Variants in SPOCK3 observed in about 807,000 individuals in gnomAD.
The protein encoded by SPOCK3 is testican-3.
Under a neutral mutation model 56.6 loss-of-function variants are expected in SPOCK3, and 30 were observed. The observed-to-expected ratio is 0.53, with a 90% CI of 0.40 to 0.72. SPOCK3 has a LOEUF of 0.72. SPOCK3 is among the 30% of genes least tolerant of loss of function. The pLI, the probability that SPOCK3 is intolerant of heterozygous loss-of-function variation, is 0.00. For synonymous variants in SPOCK3, 196 were observed against 183.3 expected, an observed-to-expected ratio of 1.07 and a Z score of -0.56; for missense variants, 527 against 530.0, an observed-to-expected ratio of 0.99 and a Z score of 0.06.
chr4:166,789,410 C>G (rs1255947034), intron 7 of SPOCK3, among the ~76,000 whole-genome samples: 1 of 151,950 alleles, frequency 6.6e-6, no homozygotes, highest in Non-Finnish European at 1.5e-5. Context: ...GCCTGGGCAA[C>G]AAGAGCGAAA....
chr4:167,103,367 C>A (rs1024293538), intron 2 of SPOCK3, among the ~76,000 whole-genome samples: 8 of 152,016 alleles, frequency 5.3e-5, no homozygotes, highest in African/African-American at 1.9e-4. Flanking sequence ...AGAGGGTGGC[C>A]CACTACCCTG....
chr4:166,833,304 G>T (rs1428654347), intron 6 of SPOCK3, among the ~76,000 whole-genome samples: 1 of 152,150 alleles, frequency 6.6e-6, no homozygotes, highest in Non-Finnish European at 1.5e-5. Flanking sequence ...CACTTAAAAA[G>T]AGTGTGTATT....
chr4:166,851,191 C>A (rs1174479926), intron 6 of SPOCK3, among the ~76,000 whole-genome samples: 3 of 152,128 alleles, frequency 2.0e-5, no homozygotes, highest in Non-Finnish European at 4.4e-5. Flanking sequence ...CTGGGAGGCA[C>A]TCCCTAGCAG....
chr4:167,119,431 C>T (rs774207965), intron 2 of SPOCK3, among the ~76,000 whole-genome samples: 11 of 152,072 alleles, frequency 7.2e-5, no homozygotes, highest in Non-Finnish European at 1.6e-4. Context: ...ATAAAGAAAT[C>T]TTTTGATGAT....
At chr4:166,965,380 T>A (rs2150064212) in intron 4 of SPOCK3, among the ~76,000 whole-genome samples, 1 of 149,930 alleles carries the variant, frequency 6.7e-6, no homozygotes, top group East Asian at 1.9e-4. Flanking sequence ...TGGCAAAGAA[T>A]TTTCTATTAT....
chr4:167,068,056 A>C (rs1756334268), intron 2 of SPOCK3, among the ~76,000 whole-genome samples: 1 of 150,162 alleles, frequency 6.7e-6, no homozygotes, highest in South Asian at 2.1e-4. Flanking sequence ...ATTTCAATTA[A>C]ATTAGGATGA....
intron 4 of SPOCK3, among the ~76,000 whole-genome samples, chr4:166,961,357 A>G (rs2150056986): frequency 6.6e-6 from 1 of 152,220 alleles, no homozygotes; most frequent in Non-Finnish European, 1.5e-5. Context: ...GATATGCAGA[A>G]TTGAGCACTC....
At chr4:166,977,499 C>T (rs567386158) in intron 4 of SPOCK3, among the ~76,000 whole-genome samples, 2 of 152,150 alleles carry the variant, frequency 1.3e-5, no homozygotes, top group East Asian at 3.9e-4. Context: ...AATATTGTAT[C>T]TTTTCCTTGC....
intron 6 of SPOCK3, among the ~76,000 whole-genome samples, chr4:166,800,183 G>GA (rs367811359): frequency 0.049 from 2,518 of 51,650 alleles, 146 homozygotes; most frequent in East Asian, 0.2. Context: ...CTCCATCTCA[G>GA]AAAAAAAAAA....
chr4:166,740,568 C>T (rs1392551452), intron 9 of SPOCK3, among the ~76,000 whole-genome samples: 1 of 151,088 alleles, frequency 6.6e-6, no homozygotes, highest in Non-Finnish European at 1.5e-5. Flanking sequence ...CTCTGTTACC[C>T]AGGCTGGTGT....
chr4:167,034,662 C>T (rs1189242713), intron 3 of SPOCK3, among the ~76,000 whole-genome samples: 1 of 152,080 alleles, frequency 6.6e-6, no homozygotes, highest in Non-Finnish European at 1.5e-5. Flanking sequence ...ATATGGCCTC[C>T]AAGATCTATA....
intron 2 of SPOCK3, among the ~76,000 whole-genome samples, chr4:167,090,613 C>A (rs1401644120): frequency 6.6e-6 from 1 of 151,912 alleles, no homozygotes; most frequent in Non-Finnish European, 1.5e-5. Context: ...AAGTGATTCT[C>A]CTGCCTCAGC....
intron 7 of SPOCK3, among the ~76,000 whole-genome samples, chr4:166,790,947 A>G (rs1741278284): frequency 1.3e-5 from 2 of 152,212 alleles, no homozygotes; most frequent in Admixed American, 1.3e-4. Context: ...ACAGAGGCAA[A>G]TATACTGAAT....
intron 6 of SPOCK3, among the ~76,000 whole-genome samples, chr4:166,876,911 G>A (rs139482591): frequency 6.6e-6 from 1 of 151,582 alleles, no homozygotes; most frequent in Non-Finnish European, 1.5e-5. Flanking sequence ...AATTATCAGT[G>A]AGATAACTTT....
chr4:166,873,263 A>G (rs1375811764), intron 6 of SPOCK3, among the ~76,000 whole-genome samples: 2 of 152,150 alleles, frequency 1.3e-5, no homozygotes, highest in Non-Finnish European at 2.9e-5. Flanking sequence ...AGGGATGAAA[A>G]GGTAGAGCAC....
rs567403914 is a variant in SPOCK3, at chr4:166,825,320, C to T, written c.590-33031G>A. On this transcript the variant is annotated intron_variant, in intron 6 of 10. Coordinates refer to ENST00000357545, the MANE Select transcript of SPOCK3 (RefSeq NM_001040159.2). ...TTACGTTAATTTACTACAATAATATCCTGTTATTGTATAGTTAAGTTATTT... is the reference window on the plus strand; with the variant it reads ...TTACGTTAATTTACTACAATAATATTCTGTTATTGTATAGTTAAGTTATTT... 2.0e-5 allele frequency among the ~76,000 whole-genome samples: 3 copies of T among 152,104 alleles called. No individual in the cohort carries two copies. The East Asian group carries it at 5.8e-4, about 29-fold the overall frequency.
intron 2 of SPOCK3, among the ~76,000 whole-genome samples, chr4:167,195,966 T>C (rs1007011962): frequency 6.6e-6 from 1 of 152,248 alleles, no homozygotes; most frequent in African/African-American, 2.4e-5. Context: ...GTATTGCTGA[T>C]GTCACTCTCA....
At chr4:166,860,750 C>T (rs1253148025) in intron 6 of SPOCK3, among the ~76,000 whole-genome samples, 3 of 129,806 alleles carry the variant, frequency 2.3e-5, no homozygotes, top group Non-Finnish European at 3.2e-5. Context: ...CCTCCCACTA[C>T]ATTCCTCACT....
intron 3 of SPOCK3, among the ~76,000 whole-genome samples, chr4:167,041,865 C>T (rs909544997): frequency 6.6e-6 from 1 of 151,648 alleles, no homozygotes; most frequent in African/African-American, 2.4e-5. Context: ...CACTGAACTT[C>T]ATAAATATAT....
Sources: allele counts gnomAD v4.1 joint callset (sites outside exome capture counted in the v4.1 genomes callset), GRCh38; gene constraint gnomAD v4.1.1; transcripts MANE v1.5; gene names NCBI Gene and HGNC (gene_info 2026-07-23, HGNC 2026-07-21).